The following GLIS1 variants were observed in gnomAD, a reference collection of about 807,000 sequenced individuals.
The protein encoded by GLIS1 is zinc finger protein GLIS1.
Under a neutral mutation model 63.8 loss-of-function variants are expected in GLIS1, and 24 were observed. The ratio of observed to expected loss-of-function variants is 0.38; its 90% CI spans 0.27 to 0.53. The LOEUF (loss-of-function observed/expected upper bound fraction) is 0.53, where lower values mean the gene tolerates loss of function less well. GLIS1 is among the 20% of genes least tolerant of loss of function. GLIS1 has a pLI of 0.85. For missense variants in GLIS1, 1,036 were observed against 1,074.1 expected (o/e 0.96, Z 0.50); for synonymous variants, 450 against 482.5 (o/e 0.93, Z 0.88).
At chr1:53,673,206 T>C (rs1646174080) in intron 2 of GLIS1, among the ~76,000 whole-genome samples, 1 of 152,212 alleles carries the variant, frequency 6.6e-6, no homozygotes, top group Admixed American at 6.5e-5. Context: ...GTCCACACCA[T>C]GCCCACAGAA....
At chr1:53,689,803 T>C (rs1428072976) in intron 2 of GLIS1, among the ~76,000 whole-genome samples, 2 of 152,116 alleles carry the variant, frequency 1.3e-5, no homozygotes, top group East Asian at 3.9e-4. Flanking sequence ...TCAGCGCCCA[T>C]TACTGGCCCC....
At chr1:53,544,027 C>T (rs56900397) in intron 4 of GLIS1, among the ~76,000 whole-genome samples, 6,351 of 152,212 alleles carry the variant, frequency 0.042, 432 homozygotes, top group African/African-American at 0.14. Context: ...CGTTCTGGGG[C>T]GCGCAGCCCA....
chr1:53,556,526 A>T (rs1353548045), intron 4 of GLIS1, among the ~76,000 whole-genome samples: 6 of 113,056 alleles, frequency 5.3e-5, no homozygotes, highest in Admixed American at 1.0e-4. Context: ...ATGTGTGTGC[A>T]GGTGTACTGC....
chr1:53,528,473 C>T (rs1644494508), intron 5 of GLIS1, among the ~76,000 whole-genome samples: 1 of 152,134 alleles, frequency 6.6e-6, no homozygotes, highest in Non-Finnish European at 1.5e-5. Flanking sequence ...GGATAATGGG[C>T]CCCATCTTGG....
intron 2 of GLIS1, among the ~76,000 whole-genome samples, chr1:53,702,016 AAAAAAAG>A (rs1646529206): frequency 6.7e-6 from 1 of 149,360 alleles, no homozygotes; most frequent in African/African-American, 2.5e-5. Flanking sequence ...AAAAAAAAAA[AAAAAAAG>A]AAAGTCCAGC....
chr1:53,529,531 C>T (rs187786160), intron 5 of GLIS1, among the ~76,000 whole-genome samples: 16 of 152,300 alleles, frequency 1.1e-4, no homozygotes, highest in East Asian at 5.8e-4. Flanking sequence ...CCCTCACCCC[C>T]GGGGACATTT....
chr1:53,645,435 C>G (rs1291150565), intron 2 of GLIS1, among the ~76,000 whole-genome samples: 1 of 152,194 alleles, frequency 6.6e-6, no homozygotes, highest in Non-Finnish European at 1.5e-5. Context: ...AGTCACTGAT[C>G]AGTCCCCGAA....
intron 3 of GLIS1, among the ~76,000 whole-genome samples, chr1:53,595,357 A>G (rs1216248445): frequency 6.6e-6 from 1 of 152,132 alleles, no homozygotes; most frequent in Non-Finnish European, 1.5e-5. Context: ...CATCTCTACA[A>G]AAAAATTTAC....
chr1:53,566,590 G>T (rs944389167), intron 4 of GLIS1, among the ~76,000 whole-genome samples: 22 of 152,158 alleles, frequency 1.4e-4, no homozygotes, highest in African/African-American at 5.3e-4. Flanking sequence ...AGAAATCAAA[G>T]AACTAAATAA....
At chr1:53,696,949 G>A (rs908677037) in intron 2 of GLIS1, among the ~76,000 whole-genome samples, 24 of 152,192 alleles carry the variant, frequency 1.6e-4, no homozygotes, top group Admixed American at 1.5e-3. Flanking sequence ...TACCTTCCAC[G>A]TGGCATCCCC....
In GLIS1 at chr1:53,639,043, C is replaced by A. The variant is rs1293796985; in HGVS notation, c.260-38765G>T. Reference sequence around the variant, plus strand: ...CTCAGAGTGGTTGACAGCACCGGCCCCTGAATCAAAGGATTGAAACTAGGA... The same window carrying A: ...CTCAGAGTGGTTGACAGCACCGGCCACTGAATCAAAGGATTGAAACTAGGA... On this transcript the variant is annotated intron_variant, in intron 2 of 10. Coordinates refer to ENST00000628545, the MANE Select transcript of GLIS1 (RefSeq NM_001367484.1). This position sits in a 1 kb window ranked among gnomAD's most constrained non-coding sequence, Gnocchi z 4.6. Among the ~76,000 whole-genome samples the A allele has an allele frequency of 2.0e-5, 3 of 152,156 alleles. No homozygotes were observed. Among genetic ancestry groups the A allele is most frequent in the Non-Finnish European group, 4.4e-5 (3 of 68,028 alleles).
chr1:53,737,822 G>T lies in GLIS1; in HGVS notation c.243C>A (p.Ala81=). The change falls in exon 2 of 11, where the codon GCC becomes GCA. Residue 81 remains alanine, a synonymous_variant. Coordinates refer to ENST00000628545, the MANE Select transcript of GLIS1 (RefSeq NM_001367484.1). ...RSPRDYGPSK[A]AAAGKVNGSY... ...CGAACTCACCCTTCCCGGCGGCGGC[G>T]GCCTTGGATGGACCGTAGTCTCGGG... The T allele has an allele frequency of 8.1e-7, 1 of 1,231,074 alleles. No homozygotes were observed. Among genetic ancestry groups the T allele is most frequent in the Non-Finnish European group, 1.0e-6 (1 of 987,454 alleles). The allele number at this position is 1,231,074 out of a possible 1,614,324, so 76.3% of individuals were successfully genotyped here.
chr1:53,537,931 A>C (rs1435357076), intron 4 of GLIS1, among the ~76,000 whole-genome samples: 2 of 152,276 alleles, frequency 1.3e-5, no homozygotes, highest in Non-Finnish European at 2.9e-5. Context: ...CTTTTAAGTT[A>C]CTTTACAACA....
chr1:53,653,850 GC>G (rs1355415675), intron 2 of GLIS1, among the ~76,000 whole-genome samples: 1 of 152,164 alleles, frequency 6.6e-6, no homozygotes, highest in Non-Finnish European at 1.5e-5. Context: ...CCCTCCTCTG[GC>G]CCCCACCCTA....
At chr1:53,698,106 G>A (rs1416232842) in intron 2 of GLIS1, among the ~76,000 whole-genome samples, 2 of 110,434 alleles carry the variant, frequency 1.8e-5, no homozygotes, top group African/African-American at 7.1e-5. Flanking sequence ...AGACCAGACA[G>A]CAAACAAACA....
chr1:53,626,812 G>A (rs554675485), intron 2 of GLIS1, among the ~76,000 whole-genome samples: 3 of 152,320 alleles, frequency 2.0e-5, no homozygotes, highest in Non-Finnish European at 4.4e-5. Context: ...TCTGGCTCCC[G>A]TGCCTGCAGA....
rs11206176 is a variant in GLIS1, at chr1:53,598,265, G to A, written c.437+1836C>T. Among the ~76,000 whole-genome samples, 81,001 of 152,148 alleles carry A rather than the reference G, an allele frequency of 0.53. 24,621 individuals are homozygous for A. Among genetic ancestry groups the A allele is most frequent in the Admixed American group, 0.69 (10,560 of 15,288 alleles). ...GGTGTTCTTATAAGAAATGAGGGCC[G>A]GGCACGGTGGCTCACGCCTGTAATC... On this transcript the variant is annotated intron_variant, in intron 3 of 10. Transcript: ENST00000628545. This position sits in a 1 kb window ranked among gnomAD's most constrained non-coding sequence, Gnocchi z 4.6.
At chr1:53,558,526 ACT>A (rs1644855503) in intron 4 of GLIS1, among the ~76,000 whole-genome samples, 1 of 151,434 alleles carries the variant, frequency 6.6e-6, no homozygotes, top group Admixed American at 6.6e-5. Context: ...CTTTGTTCAC[ACT>A]CTTCCCATGC....
intron 2 of GLIS1, among the ~76,000 whole-genome samples, chr1:53,625,326 G>C (rs550951629): frequency 6.6e-6 from 1 of 152,168 alleles, no homozygotes; most frequent in Non-Finnish European, 1.5e-5. Flanking sequence ...GGATTTATTT[G>C]GGGGCTTTGA....
Sources: gnomAD v4.1 joint callset for allele counts (sites outside exome capture counted in the v4.1 genomes callset) on GRCh38, gnomAD v4.1.1 for gene constraint, Gnocchi (gnomAD v3.1) non-coding constraint, MANE v1.5 for transcripts, NCBI Gene and HGNC (gene_info 2026-07-23, HGNC 2026-07-21) for gene names.